The following ARGLU1 variants were observed in gnomAD, a reference collection of about 807,000 sequenced individuals.
ARGLU1 encodes arginine and glutamate rich 1, also known as arginine and glutamate-rich protein 1.
A neutral mutation model predicts 37.6 loss-of-function variants in ARGLU1; 9 were observed. The ratio of observed to expected loss-of-function variants is 0.24; its 90% CI spans 0.14 to 0.42. The LOEUF (loss-of-function observed/expected upper bound fraction) is 0.42, where lower values mean the gene tolerates loss of function less well. Among genes scored for constraint, ARGLU1 ranks in the 10% least tolerant of loss-of-function variants. The pLI, the probability that ARGLU1 is intolerant of heterozygous loss-of-function variation, is 1.00. For missense variants in ARGLU1, 211 were observed against 359.2 expected (o/e 0.59, Z 3.34); for synonymous variants, 166 against 138.5 (o/e 1.20, Z -1.39).
At chr13:106,559,232 T>C in intron 2 of ARGLU1, 200 bp downstream of exon 2, 1 of 1,525,164 alleles carries the variant, frequency 6.6e-7, no homozygotes, top group Non-Finnish European at 8.8e-7. Flanking sequence ...ATATGTTTTA[T>C]AAAAGCTTCC....
At chr13:106,547,466 ATCCACCAATATGG>A (rs951610270) in intron 3 of ARGLU1, among the ~76,000 whole-genome samples, 2 of 152,220 alleles carry the variant, frequency 1.3e-5, no homozygotes, top group African/African-American at 2.4e-5. Context: ...AAACCCAAAT[ATCCACCAATATGG>A]GGTACACTAA....
intron 3 of ARGLU1, among the ~76,000 whole-genome samples, chr13:106,555,334 C>T (rs551820873): frequency 6.6e-6 from 1 of 152,244 alleles, no homozygotes; most frequent in South Asian, 2.1e-4. Context: ...GCACTTCAGC[C>T]TGGGCAACAA....
At chr13:106,550,997 G>A (rs535212999) in intron 3 of ARGLU1, among the ~76,000 whole-genome samples, 2 of 152,116 alleles carry the variant, frequency 1.3e-5, no homozygotes, top group African/African-American at 2.4e-5. Flanking sequence ...ATTAAACATC[G>A]TTCTCCATAG....
Position 106,557,853 on chromosome 13 carries a change from G to A in ARGLU1, c.574-722C>T, listed in dbSNP as rs1433762398. 3.0e-6 allele frequency: 3 copies of A among 985,388 alleles called. No homozygotes were observed. Among genetic ancestry groups the A allele is most frequent in the Non-Finnish European group, 3.6e-6 (3 of 829,914 alleles). 61.0% of individuals were successfully genotyped at this position (985,388 alleles called of 1,614,324 possible). On this transcript the variant is annotated intron_variant, in intron 2 of 3. Transcript: ENST00000400198. The surrounding 1 kb of genome is among the most constrained non-coding windows in gnomAD (Gnocchi z 5.0). The stretch of plus-strand genomic sequence containing the variant: ...TCATGGAACTACGGGCTTCTTCCAT[G>A]GGGAAAATGGACTTAACATTCAGAT...
chr13:106,563,345 T>C (rs1880868362), intron 1 of ARGLU1, among the ~76,000 whole-genome samples: 1 of 152,208 alleles, frequency 6.6e-6, no homozygotes, highest in Non-Finnish European at 1.5e-5. Flanking sequence ...CTGAAGTTTC[T>C]AGACTCGAGC....
chr13:106,565,634 C>T (rs142269402), intron 1 of ARGLU1, among the ~76,000 whole-genome samples: 6 of 152,286 alleles, frequency 3.9e-5, no homozygotes, highest in African/African-American at 1.4e-4. Flanking sequence ...AAACTGTTTC[C>T]TTACACTGCC....
intron 1 of ARGLU1, among the ~76,000 whole-genome samples, chr13:106,562,339 T>C (rs1285465341): frequency 1.3e-5 from 2 of 152,214 alleles, no homozygotes; most frequent in African/African-American, 2.4e-5. Flanking sequence ...TGAGCACATA[T>C]ACAACTGAAT....
At chr13:106,555,945 T>A (rs778838915) in intron 3 of ARGLU1, among the ~76,000 whole-genome samples, 7 of 152,220 alleles carry the variant, frequency 4.6e-5, no homozygotes, top group Non-Finnish European at 8.8e-5. Context: ...TTTCTTCTTT[T>A]CTGAAACATC....
At chr13:106,555,108 A>G (rs1441130075) in intron 3 of ARGLU1, among the ~76,000 whole-genome samples, 3 of 152,064 alleles carry the variant, frequency 2.0e-5, no homozygotes, top group African/African-American at 4.8e-5. Context: ...CTGTAATCCC[A>G]GCACTTTGGG....
In ARGLU1 at chr13:106,542,289, A is replaced by G. The variant is rs1387697284; in HGVS notation, c.*1707T>C. ...ACTTAGGAACCATGAATCTTCACCA[A>G]AAAAAGTTACATTGAAAAAAAAAAA... is the stretch of plus-strand genomic sequence containing the variant. On this transcript the variant is annotated 3_prime_UTR_variant, in exon 4 of 4. Transcript: ENST00000400198. 6.6e-6 allele frequency: 1 copy of G among 151,962 alleles called. No individual in the cohort carries two copies. The highest frequency in any genetic ancestry group is 1.5e-5 in the Non-Finnish European group (1 of 67,926). The allele number at this position is 151,962 out of a possible 1,614,324, so 9.4% of individuals were successfully genotyped here.
chr13:106,546,526 G>T (rs892364885), intron 3 of ARGLU1, among the ~76,000 whole-genome samples: 8 of 152,106 alleles, frequency 5.3e-5, no homozygotes, highest in Non-Finnish European at 8.8e-5. Context: ...ACAACAAAAA[G>T]AACTGCCTGC....
chr13:106,566,772 C>G (rs1270825517), intron 1 of ARGLU1, among the ~76,000 whole-genome samples: 4 of 152,140 alleles, frequency 2.6e-5, no homozygotes, highest in African/African-American at 9.7e-5. Context: ...ATCAACCCTT[C>G]AAGTGTCTTC....
rs1323678300 is a variant in ARGLU1 at position 106,557,340 on chromosome 13, C to G, written c.574-209G>C. The G allele has an allele frequency of 8.0e-6, 5 of 621,232 alleles. No homozygotes were observed. Among genetic ancestry groups the G allele is most frequent in the Middle Eastern group, 4.5e-4 (1 of 2,208 alleles). The allele number at this position is 621,232 out of a possible 1,614,324, so 38.5% of individuals were successfully genotyped here. On this transcript the variant is annotated intron_variant, in intron 2 of 3. Transcript: ENST00000400198. The surrounding 1 kb of genome is among the most constrained non-coding windows in gnomAD (Gnocchi z 5.0). ...CATCCCTCCCAGTCCAAACAGCAAC[C>G]AACTAAACCCTCCCTAATGATAGTT...
chr13:106,551,470 C>G (rs1049007002), intron 3 of ARGLU1, among the ~76,000 whole-genome samples: 1 of 152,210 alleles, frequency 6.6e-6, no homozygotes, highest in Admixed American at 6.5e-5. Context: ...CCTTTAAAAT[C>G]CATATTTTTG....
At position 106,568,071 on chromosome 13, in the gene ARGLU1, C is replaced by T. The variant is rs1881028562; in HGVS notation, c.-152G>A. On this transcript the variant is annotated 5_prime_UTR_variant, in exon 1 of 4. Transcript: ENST00000400198. ...ACTTTATGCCTTTTCCCGGCGTCTA[C>T]AGCTGCCACGAAGGCCGCCTCCAAC... The T allele has an allele frequency of 4.8e-6, 6 of 1,251,426 alleles. No homozygotes were observed. The highest frequency in any genetic ancestry group is 1.6e-5 in the African/African-American group (1 of 63,318). The allele number at this position is 1,251,426 out of a possible 1,614,324, so 77.5% of individuals were successfully genotyped here. A position where few individuals can be genotyped will look rare whatever the true frequency, so the allele number is the denominator to read the frequency against.
rs112717025 is a variant in ARGLU1 at position 106,567,577 on chromosome 13, T to G, written c.343A>C (p.Lys115Gln). The G allele has an allele frequency of 1.6e-5, 26 of 1,607,910 alleles. No individual in the cohort carries two copies. Among genetic ancestry groups the G allele is most frequent in the Non-Finnish European group, 1.9e-5 (22 of 1,174,834 alleles). Residue 115 changes from lysine (K) to glutamine (Q), a missense_variant, in exon 1 of 4, where the codon AAA becomes CAA. Around this residue, in one of 3 missense-constraint regions of ARGLU1, gnomAD observed 130 missense variants for 179.8 expected, o/e 0.72. Transcript: ENST00000400198. The surrounding 1 kb of genome is among the most constrained non-coding windows in gnomAD (Gnocchi z 4.3). ...CCTCCCCGCGCGGGCACTCACATTT[T>G]TCGCTGCCGCTCGAACTCCGCTTTC... ...EKKAEFERQRKIRQQEIEEKL... is the reference protein window; with the variant it reads ...EKKAEFERQRQIRQQEIEEKL...
intron 1 of ARGLU1, among the ~76,000 whole-genome samples, chr13:106,561,227 A>G (rs1880791869): frequency 6.6e-6 from 1 of 152,186 alleles, no homozygotes; most frequent in Non-Finnish European, 1.5e-5. Flanking sequence ...GGGAGCATAT[A>G]AAAGGAAACC....
At position 106,557,855 on chromosome 13, in the gene ARGLU1, G is replaced by T. The variant is rs1880695892; in HGVS notation, c.574-724C>A. 3 of 985,294 alleles carry T rather than the reference G, an allele frequency of 3.0e-6. No homozygotes were observed. In the South Asian group the frequency reaches 1.4e-4, roughly 46 times the overall value. The allele number at this position is 985,294 out of a possible 1,614,324, so 61.0% of individuals were successfully genotyped here. The stretch of plus-strand genomic sequence containing the variant: ...ATGGAACTACGGGCTTCTTCCATGG[G>T]GAAAATGGACTTAACATTCAGATGT... On this transcript the variant is annotated intron_variant, in intron 2 of 3. Coordinates refer to ENST00000400198, the MANE Select transcript of ARGLU1 (RefSeq NM_018011.4). This position sits in a 1 kb window ranked among gnomAD's most constrained non-coding sequence, Gnocchi z 5.0.
chr13:106,545,158 T>G (rs1594186933), intron 3 of ARGLU1, among the ~76,000 whole-genome samples: 1 of 152,174 alleles, frequency 6.6e-6, no homozygotes, highest in Non-Finnish European at 1.5e-5. Context: ...ATCTAGTGGG[T>G]GGAAGACTGG....
Sources: gnomAD v4.1 joint callset for allele counts (sites outside exome capture counted in the v4.1 genomes callset) on GRCh38, gnomAD v4.1.1 for gene constraint, gnomAD v4.1.1 regional missense constraint, Gnocchi (gnomAD v3.1) non-coding constraint, MANE v1.5 for transcripts, NCBI Gene and HGNC (gene_info 2026-07-23, HGNC 2026-07-21) for gene names.